EPB41L2: variants seen among roughly 807,000 people sequenced by gnomAD.
EPB41L2 encodes band 4.1-like protein 2.
Under a neutral mutation model 113.0 loss-of-function variants are expected in EPB41L2, and 43 were observed. That is an observed-to-expected ratio of 0.38 (90% CI 0.30 to 0.49). The LOEUF (loss-of-function observed/expected upper bound fraction) is 0.49. Among genes scored for constraint, EPB41L2 ranks in the 20% least tolerant of loss-of-function variants. The probability of loss-of-function intolerance (pLI) is 0.95; values close to 1 mark genes in which losing one functional copy is unlikely to be tolerated. For missense variants in EPB41L2, 1,147 were observed against 1,223.4 expected (o/e 0.94, Z 0.93); for synonymous variants, 442 against 436.7 (o/e 1.01, Z -0.15).
chr6:131,019,977 T>A (rs1354351176), intron 1 of EPB41L2, among the ~76,000 whole-genome samples: 2 of 152,114 alleles, frequency 1.3e-5, no homozygotes, highest in Non-Finnish European at 2.9e-5. Flanking sequence ...ACAACCACTA[T>A]TTTTTAGTCT....
chr6:130,959,125 C>T (rs1417985101), intron 1 of EPB41L2, among the ~76,000 whole-genome samples: 1 of 152,022 alleles, frequency 6.6e-6, no homozygotes, highest in Non-Finnish European at 1.5e-5. Context: ...TATAGAAAGT[C>T]AAAGAGAGGA....
At chr6:130,964,116 G>A (rs539722576) in intron 1 of EPB41L2, among the ~76,000 whole-genome samples, 1 of 152,098 alleles carries the variant, frequency 6.6e-6, no homozygotes, top group East Asian at 1.9e-4. Context: ...CCGCCTGCCG[G>A]GTTCAAGCGA....
Position 130,947,505 on chromosome 6 carries a change from T to C in EPB41L2, c.705+7600A>G, listed in dbSNP as rs142305704. On this transcript the variant is annotated intron_variant, in intron 3 of 19. Transcript: ENST00000337057. ...TCTATTCTCTCAAACCAAATACAAG[T>C]ATTTCTTTCCCATATTCTATTCTCC... Among the ~76,000 whole-genome samples the C allele has an allele frequency of 1.7e-4, 26 of 152,228 alleles. 1 individual carries two copies. Among genetic ancestry groups the C allele is most frequent in the Admixed American group, 1.5e-3 (23 of 15,290 alleles).
chr6:130,901,255 G>C (rs1796225796), intron 6 of EPB41L2, 75 bp from the exon 7 acceptor site: 2 of 1,309,222 alleles, frequency 1.5e-6, no homozygotes, highest in Middle Eastern at 2.6e-4. Flanking sequence ...GTCCTTAAAA[G>C]CTAGTACCCC....
chr6:130,924,709 C>T (rs1200424932), intron 4 of EPB41L2, among the ~76,000 whole-genome samples: 1 of 152,106 alleles, frequency 6.6e-6, no homozygotes, highest in East Asian at 1.9e-4. Context: ...TTCTGTGGAA[C>T]TTCCACACTG....
At chr6:130,956,554 G>T in intron 1 of EPB41L2, 55 bp from the exon 2 acceptor site, 15 of 1,502,240 alleles carry the variant, frequency 1.0e-5, no homozygotes, top group Non-Finnish European at 1.3e-5. Flanking sequence ...CTCAAATTTA[G>T]TTTGGTTGCG....
intron 1 of EPB41L2, among the ~76,000 whole-genome samples, chr6:130,986,989 G>T (rs1410181690): frequency 6.6e-6 from 1 of 152,116 alleles, no homozygotes; most frequent in African/African-American, 2.4e-5. Context: ...ATTCTTGTAT[G>T]TGGCCTTTTG....
At chr6:130,959,592 G>C (rs540150108) in intron 1 of EPB41L2, among the ~76,000 whole-genome samples, 1 of 152,166 alleles carries the variant, frequency 6.6e-6, no homozygotes, top group South Asian at 2.1e-4. Flanking sequence ...TCATTCTCAG[G>C]CATCTGAAAT....
Position 130,839,680 on chromosome 6 carries a change from T to G in EPB41L2, c.*924A>C, listed in dbSNP as rs189858475. On this transcript the variant is annotated 3_prime_UTR_variant, in exon 20 of 20. Transcript: ENST00000337057. Reference sequence around the variant, plus strand: ...AGTTTTACATGTGTAGACAAAGAGGTTTAATACAAAGCAAGAGTTCTACCC... The same window carrying G: ...AGTTTTACATGTGTAGACAAAGAGGGTTAATACAAAGCAAGAGTTCTACCC... 1 of 152,064 alleles carries G rather than the reference T, an allele frequency of 6.6e-6. No individual in the cohort carries two copies. Among genetic ancestry groups the G allele is most frequent in the East Asian group, 1.9e-4 (1 of 5,180 alleles). The allele number at this position is 152,064 out of a possible 1,614,324, so 9.4% of individuals were successfully genotyped here.
chr6:130,857,715 C>A (rs73775321), intron 19 of EPB41L2, among the ~76,000 whole-genome samples: 1 of 151,996 alleles, frequency 6.6e-6, no homozygotes, highest in African/African-American at 2.4e-5. Flanking sequence ...CACCAACATG[C>A]CCATCTCATT....
At chr6:130,867,964 ACACACACACT>A (rs1363892780) in intron 15 of EPB41L2, 57 of 162,260 alleles carry the variant, frequency 3.5e-4, no homozygotes, top group Admixed American at 9.0e-4. Context: ...ACACACACAC[ACACACACACT>A]CTCTCTCTCT....
rs142055046 is a variant in EPB41L2 at position 131,043,284 on chromosome 6, G to A, written c.-15+19871C>T. ...CCGCTGCACTCCAGCCTGGGTGACA[G>A]AGTAAGACTCTGTCTTAAAAAATAA... is the stretch of plus-strand genomic sequence containing the variant. On this transcript the variant is annotated intron_variant, in intron 1 of 19. Coordinates refer to ENST00000337057, the MANE Select transcript of EPB41L2 (RefSeq NM_001431.4). Among the ~76,000 whole-genome samples, 3,093 of 152,168 alleles carry A rather than the reference G, an allele frequency of 0.02. 205 individuals carry two copies. In the East Asian group the frequency reaches 0.27, roughly 13 times the overall value.
intron 3 of EPB41L2, among the ~76,000 whole-genome samples, chr6:130,943,923 T>G (rs1811773807): frequency 6.6e-6 from 1 of 152,132 alleles, no homozygotes; most frequent in South Asian, 2.1e-4. Flanking sequence ...TGCAATTCCC[T>G]CTGAGCTGTG....
chr6:130,877,734 TATTA>T (rs1788018526), intron 14 of EPB41L2, among the ~76,000 whole-genome samples: 2 of 152,270 alleles, frequency 1.3e-5, no homozygotes, highest in South Asian at 4.1e-4. Context: ...TTTCTTTATT[TATTA>T]ATTATTTATA....
At chr6:130,915,120 G>A (rs1347891259) in intron 4 of EPB41L2, among the ~76,000 whole-genome samples, 1 of 151,882 alleles carries the variant, frequency 6.6e-6, no homozygotes, top group Non-Finnish European at 1.5e-5. Flanking sequence ...CGGCTAAAAC[G>A]GTGAAACCCC....
chr6:130,894,895 G>T, intron 9 of EPB41L2, 72 bp downstream of exon 9: 1 of 1,414,046 alleles, frequency 7.1e-7, no homozygotes, highest in Non-Finnish European at 9.4e-7. Flanking sequence ...AGAATTAATA[G>T]AAAAGAATTT....
chr6:130,982,712 T>TG (rs1779656130), intron 1 of EPB41L2, among the ~76,000 whole-genome samples: 1 of 152,212 alleles, frequency 6.6e-6, no homozygotes, highest in Non-Finnish European at 1.5e-5. Flanking sequence ...AATATTTTAC[T>TG]AATAATAAAA....
intron 1 of EPB41L2, among the ~76,000 whole-genome samples, chr6:131,048,837 A>G (rs1462152017): frequency 6.6e-6 from 1 of 152,222 alleles, no homozygotes; most frequent in Non-Finnish European, 1.5e-5. Flanking sequence ...AAACACTTCG[A>G]TAATCAGATA....
At chr6:130,958,199 C>T (rs988324327) in intron 1 of EPB41L2, among the ~76,000 whole-genome samples, 18 of 152,094 alleles carry the variant, frequency 1.2e-4, no homozygotes, top group Admixed American at 2.6e-4. Context: ...TGCCTGTAAT[C>T]CCAGCACTTT....
Sources: gnomAD v4.1 joint callset for allele counts (sites outside exome capture counted in the v4.1 genomes callset) on GRCh38, gnomAD v4.1.1 for gene constraint, MANE v1.5 for transcripts, NCBI Gene and HGNC (gene_info 2026-07-23, HGNC 2026-07-21) for gene names.